Variants in RAPGEF4 observed in about 807,000 individuals in gnomAD.
RAPGEF4 encodes RAP guanine-nucleotide-exchange factor (GEF) 4.
In RAPGEF4, 66 loss-of-function variants were observed where a neutral mutation model predicts 147.9. That is an observed-to-expected ratio of 0.45 (90% CI 0.37 to 0.55). The LOEUF (loss-of-function observed/expected upper bound fraction) is 0.55. Among genes scored for constraint, RAPGEF4 ranks in the 20% least tolerant of loss-of-function variants. RAPGEF4 has a pLI of 0.00. For synonymous variants in RAPGEF4, 419 were observed against 442.7 expected (o/e 0.95, Z 0.67); for missense variants, 1,071 against 1,257.3 (o/e 0.85, Z 2.24).
chr2:172,894,578 A>G (rs1698280687), intron 4 of RAPGEF4, among the ~76,000 whole-genome samples: 1 of 152,232 alleles, frequency 6.6e-6, no homozygotes, highest in African/African-American at 2.4e-5. Flanking sequence ...TATTTTGGAA[A>G]CGAGCATAAG....
At chr2:172,998,647 T>C (rs1693602175) in intron 16 of RAPGEF4, among the ~76,000 whole-genome samples, 1 of 152,116 alleles carries the variant, frequency 6.6e-6, no homozygotes, top group African/African-American at 2.4e-5. Flanking sequence ...TGGAGAAAAG[T>C]TACTCCATAT....
At position 172,988,706 on chromosome 2, in the gene RAPGEF4, C is replaced by A; in HGVS notation, c.1241C>A (p.Thr414Asn). The A allele has an allele frequency of 5.6e-6, 9 of 1,612,792 alleles. No homozygotes were observed. The highest frequency in any genetic ancestry group is 6.8e-6 in the Non-Finnish European group (8 of 1,178,830). The change falls in exon 14 of 31, where the codon ACC becomes AAC. Residue 414 changes from threonine (T) to asparagine (N), a missense_variant. Coordinates refer to ENST00000397081, the MANE Select transcript of RAPGEF4 (RefSeq NM_007023.4). The part of the protein sequence containing the change: ...VVIYGKGVVC[T>N]LHEGDDFGKL... ...TACTCTATCCAGGGTGTGGTCTGCACCCTGCATGAAGGAGATGACTTCGGC... is the reference window on the plus strand; with the variant it reads ...TACTCTATCCAGGGTGTGGTCTGCAACCTGCATGAAGGAGATGACTTCGGC...
At chr2:173,037,595 T>A (rs1272705354) in intron 29 of RAPGEF4, among the ~76,000 whole-genome samples, 1 of 152,216 alleles carries the variant, frequency 6.6e-6, no homozygotes, top group African/African-American at 2.4e-5. Context: ...GATGGAATGA[T>A]CATTGTCTTC....
intron 4 of RAPGEF4, among the ~76,000 whole-genome samples, chr2:172,880,231 C>T (rs539820629): frequency 9.2e-5 from 14 of 152,314 alleles, no homozygotes; most frequent in South Asian, 8.3e-4. Flanking sequence ...CAGTGCTCCG[C>T]GCTCTGGGGA....
chr2:172,917,503 G>C, intron 4 of RAPGEF4: 1 of 632,384 alleles, frequency 1.6e-6, no homozygotes, highest in Non-Finnish European at 3.0e-6. Flanking sequence ...GTGGGGTTGG[G>C]GAGGGGTGCA....
Position 172,960,848 on chromosome 2 carries a change from G to A in RAPGEF4, c.591+35G>A, listed in dbSNP as rs562486175. 5 of 1,535,328 alleles carry A rather than the reference G, an allele frequency of 3.3e-6. No homozygotes were observed. In the Admixed American group the frequency reaches 7.4e-5, roughly 23 times the overall value. On this transcript the variant is annotated intron_variant, in intron 7 of 30. Transcript: ENST00000397081. ...TGTAGGTGGGTTGATGAGCCATTGA[G>A]CTAGCTTCTTAAGTACCTCTGGAGG...
At chr2:172,739,908 T>C (rs1436793590) in intron 1 of RAPGEF4, among the ~76,000 whole-genome samples, 2 of 152,224 alleles carry the variant, frequency 1.3e-5, no homozygotes, top group East Asian at 3.8e-4. Context: ...GTATGTCTCG[T>C]GGGCTAAGAA....
chr2:172,849,209 A>G (rs72906193), intron 4 of RAPGEF4, among the ~76,000 whole-genome samples: 2,527 of 152,294 alleles, frequency 0.017, 25 homozygotes, highest in South Asian at 0.034. Flanking sequence ...GTTTACTGCC[A>G]AAACCTTAGA....
intron 1 of RAPGEF4, among the ~76,000 whole-genome samples, chr2:172,786,707 T>C (rs574940559): frequency 6.6e-6 from 1 of 152,172 alleles, no homozygotes; most frequent in East Asian, 1.9e-4. Context: ...AGACCTTATC[T>C]CTACAAAAAA....
At chr2:172,874,890 A>G in intron 4 of RAPGEF4, among the ~76,000 whole-genome samples, 1 of 152,162 alleles carries the variant, frequency 6.6e-6, no homozygotes, top group Non-Finnish European at 1.5e-5. Flanking sequence ...CTATTTCTCC[A>G]CATCCTCTCC....
intron 6 of RAPGEF4, among the ~76,000 whole-genome samples, chr2:172,926,590 C>A (rs1381091430): frequency 6.6e-6 from 1 of 151,852 alleles, no homozygotes; most frequent in Non-Finnish European, 1.5e-5. Context: ...GTTTGTTTTT[C>A]AAGATGGAGT....
intron 23 of RAPGEF4, among the ~76,000 whole-genome samples, chr2:173,025,975 A>G (rs113391101): frequency 0.075 from 11,400 of 152,296 alleles, 543 homozygotes; most frequent in Middle Eastern, 0.13. Context: ...CCAAAACACC[A>G]TAACCATGCG....
At chr2:172,821,439 G>T in intron 4 of RAPGEF4, 1 of 378,380 alleles carries the variant, frequency 2.6e-6, no homozygotes, top group Non-Finnish European at 3.6e-6. Flanking sequence ...TGTACTGTAG[G>T]GTTACTTCTC....
At chr2:172,765,541 G>C (rs1428154699) in intron 1 of RAPGEF4, among the ~76,000 whole-genome samples, 2 of 152,198 alleles carry the variant, frequency 1.3e-5, no homozygotes, top group African/African-American at 2.4e-5. Context: ...CTCACACACA[G>C]AGGATCCAGA....
chr2:172,992,915 A>C (rs975524785), intron 15 of RAPGEF4, among the ~76,000 whole-genome samples: 1 of 152,058 alleles, frequency 6.6e-6, no homozygotes, highest in African/African-American at 2.4e-5. Flanking sequence ...CCAGAGTTGA[A>C]GGGGAGGGGG....
intron 1 of RAPGEF4, among the ~76,000 whole-genome samples, chr2:172,782,455 G>C (rs1330423277): frequency 6.6e-6 from 1 of 152,170 alleles, no homozygotes; most frequent in Non-Finnish European, 1.5e-5. Flanking sequence ...AGAGCTAAGA[G>C]AAGACTGTCA....
At chr2:172,895,756 A>G (rs1285703725) in intron 4 of RAPGEF4, among the ~76,000 whole-genome samples, 3 of 152,156 alleles carry the variant, frequency 2.0e-5, no homozygotes, top group Non-Finnish European at 4.4e-5. Flanking sequence ...GAATTGGGAG[A>G]GGAGGGGTAA....
At chr2:172,814,047 A>G (rs972423001) in intron 3 of RAPGEF4, among the ~76,000 whole-genome samples, 4 of 152,184 alleles carry the variant, frequency 2.6e-5, no homozygotes, top group African/African-American at 9.6e-5. Context: ...AGAACAAGTT[A>G]TCTGAGTGTC....
chr2:172,960,517 CCTAT>C (rs534187590), intron 6 of RAPGEF4, among the ~76,000 whole-genome samples: 3 of 152,100 alleles, frequency 2.0e-5, no homozygotes, highest in Non-Finnish European at 2.9e-5. Flanking sequence ...TCTAATCATT[CCTAT>C]CTATTTGGTT....
Sources: allele counts gnomAD v4.1 joint callset (sites outside exome capture counted in the v4.1 genomes callset), GRCh38; gene constraint gnomAD v4.1.1; transcripts MANE v1.5; gene names NCBI Gene and HGNC (gene_info 2026-07-23, HGNC 2026-07-21).